ASIC2: variants seen among roughly 807,000 people sequenced by gnomAD.
The protein encoded by ASIC2 is acid-sensing ion channel 2.
In ASIC2, 25 loss-of-function variants were observed where a neutral mutation model predicts 57.3. That is an observed-to-expected ratio of 0.44 (90% confidence interval 0.32 to 0.61). ASIC2 has a LOEUF of 0.61. Ranked by LOEUF, ASIC2 falls within the 20% of genes least tolerant of loss-of-function variation. The pLI is 0.06. For synonymous variants in ASIC2, 319 were observed against 307.5 expected, an observed-to-expected ratio of 1.04 and a Z score of -0.39; for missense variants, 641 against 738.1, an observed-to-expected ratio of 0.87 and a Z score of 1.52.
chr17:34,042,392 A>G (rs921721495), intron 1 of ASIC2, among the ~76,000 whole-genome samples: 3 of 152,204 alleles, frequency 2.0e-5, no homozygotes, highest in Admixed American at 6.5e-5. Flanking sequence ...AAATAATTAC[A>G]TACATAAACA....
chr17:33,217,057 T>C lies in ASIC2; in HGVS notation c.708+74351A>G, dbSNP rs368334415. ...CAGTGACTGTCAGAATATTTGTCATTGCTAATTTATGTGTTTTTGCTGGCT... is the reference window on the plus strand; with the variant it reads ...CAGTGACTGTCAGAATATTTGTCATCGCTAATTTATGTGTTTTTGCTGGCT... On this transcript the variant is annotated intron_variant, in intron 1 of 9. Transcript: ENST00000225823. 1.2e-4 allele frequency among the ~76,000 whole-genome samples: 19 copies of C among 152,302 alleles called. No individual in the cohort carries two copies. The East Asian group carries it at 2.3e-3, about 19-fold the overall frequency.
At chr17:33,655,144 A>C (rs763741901) in intron 1 of ASIC2, among the ~76,000 whole-genome samples, 1 of 152,120 alleles carries the variant, frequency 6.6e-6, no homozygotes, top group Non-Finnish European at 1.5e-5. Context: ...CCTTCATCAC[A>C]GTGTTGTCAA....
At chr17:33,913,044 C>T (rs889845453) in intron 1 of ASIC2, among the ~76,000 whole-genome samples, 4 of 151,970 alleles carry the variant, frequency 2.6e-5, no homozygotes, top group Non-Finnish European at 5.9e-5. Context: ...ATTGCTCTAC[C>T]TTTTTGAGCA....
At chr17:33,597,122 G>A (rs746965119) in intron 1 of ASIC2, among the ~76,000 whole-genome samples, 2 of 152,198 alleles carry the variant, frequency 1.3e-5, no homozygotes, top group African/African-American at 4.8e-5. Flanking sequence ...AGAATCTTCC[G>A]TTGTCTCAGA....
intron 1 of ASIC2, among the ~76,000 whole-genome samples, chr17:33,963,078 G>A (rs1904974098): frequency 6.6e-6 from 1 of 152,170 alleles, no homozygotes; most frequent in Non-Finnish European, 1.5e-5. Context: ...CAGTTTTAAG[G>A]ATAAGAACAT....
chr17:33,786,484 A>G (rs1466644958), intron 1 of ASIC2, among the ~76,000 whole-genome samples: 2 of 152,256 alleles, frequency 1.3e-5, no homozygotes, highest in South Asian at 2.1e-4. Flanking sequence ...ACTATCTGCT[A>G]TCACCATTAT....
chr17:33,431,621 C>T (rs1911423646), intron 1 of ASIC2, among the ~76,000 whole-genome samples: 1 of 152,026 alleles, frequency 6.6e-6, no homozygotes, highest in Non-Finnish European at 1.5e-5. Context: ...GGAAGAGAGT[C>T]AGGAAATCTC....
chr17:33,757,199 A>G (rs1404133970), intron 1 of ASIC2, among the ~76,000 whole-genome samples: 1 of 152,136 alleles, frequency 6.6e-6, no homozygotes, highest in Non-Finnish European at 1.5e-5. Flanking sequence ...ACGAGGAGTG[A>G]GATTCTGGAA....
Position 34,156,272 on chromosome 17 carries a change from T to A in ASIC2, c.261A>T (p.Pro87=). 1 of 1,614,140 alleles carries A rather than the reference T, an allele frequency of 6.2e-7. No homozygotes were observed. The highest frequency in any genetic ancestry group is 1.7e-5 in the Admixed American group (1 of 60,024). Residue 87 remains proline (P), a synonymous_variant, in exon 1 of 10, where the codon CCA becomes CCT. Coordinates refer to the ASIC2 transcript ENST00000359872. The surrounding 1 kb of genome is among the most constrained non-coding windows in gnomAD (Gnocchi z 4.4). ...CATTCAGGTTACAGAGGGTCACAGC[T>A]GGGAAGACCAGGCTTTGAGCCACCA... is the stretch of plus-strand genomic sequence containing the variant.
rs201936906 is a variant in ASIC2, at chr17:33,112,026, G to A, written c.750C>T (p.Gly250=). 344 of 1,613,888 alleles carry A rather than the reference G, an allele frequency of 2.1e-4. No homozygotes were observed. Among genetic ancestry groups the A allele is most frequent in the Non-Finnish European group, 2.6e-4 (301 of 1,179,922 alleles). The change falls in exon 2 of 10, where the codon GGC becomes GGT. Residue 250 remains glycine, a synonymous_variant. Transcript: ENST00000225823. ...TGGTGAGCAGAGGTTTGCCATCCTC[G>A]CCTGAGTTAAACATGTAACACTTCC... ...KYGKCYMFNS[G]EDGKPLLTTV...
intron 1 of ASIC2, among the ~76,000 whole-genome samples, chr17:33,407,457 C>T (rs1910510411): frequency 1.3e-5 from 2 of 152,176 alleles, no homozygotes; most frequent in South Asian, 4.1e-4. Flanking sequence ...TTAAGACTCC[C>T]TTCAAGTGCT....
intron 1 of ASIC2, among the ~76,000 whole-genome samples, chr17:33,741,953 G>A (rs1047159871): frequency 6.6e-6 from 1 of 152,204 alleles, no homozygotes; most frequent in Non-Finnish European, 1.5e-5. Context: ...CATGGAATGA[G>A]TTCTGTTATT....
At chr17:33,142,074 G>T (rs957679259) in intron 1 of ASIC2, among the ~76,000 whole-genome samples, 1 of 152,174 alleles carries the variant, frequency 6.6e-6, no homozygotes, top group African/African-American at 2.4e-5. Flanking sequence ...CCCCTCAAGA[G>T]CAAAGACCAG....
At chr17:33,939,295 G>A (rs189982312) in intron 1 of ASIC2, among the ~76,000 whole-genome samples, 3 of 152,300 alleles carry the variant, frequency 2.0e-5, no homozygotes, top group East Asian at 3.9e-4. Flanking sequence ...TAGAGAAAAC[G>A]AATCAGAGAG....
intron 1 of ASIC2, among the ~76,000 whole-genome samples, chr17:33,150,807 G>C (rs567224111): frequency 3.3e-5 from 2 of 61,072 alleles, no homozygotes; most frequent in Non-Finnish European, 5.7e-5. Flanking sequence ...CCGAGATCCC[G>C]CCACTGCACT....
chr17:33,953,281 T>C (rs1904636004), intron 1 of ASIC2, among the ~76,000 whole-genome samples: 1 of 152,158 alleles, frequency 6.6e-6, no homozygotes, highest in Non-Finnish European at 1.5e-5. Flanking sequence ...CTGAAACAAA[T>C]CCAATTCTTA....
intron 1 of ASIC2, among the ~76,000 whole-genome samples, chr17:33,798,289 G>T (rs999396044): frequency 1.3e-5 from 2 of 152,198 alleles, no homozygotes; most frequent in African/African-American, 2.4e-5. Flanking sequence ...AGGTGTTTAT[G>T]CAGAGATTCT....
chr17:34,039,879 T>TGCC (rs914096641), intron 1 of ASIC2: 52 of 1,595,656 alleles, frequency 3.3e-5, no homozygotes, highest in African/African-American at 6.7e-5. Flanking sequence ...TCATTTCTAC[T>TGCC]GCCGCCGCCG....
At position 33,582,223 on chromosome 17, in the gene ASIC2, T is replaced by G. The variant is rs1459750215; in HGVS notation, c.556-470156A>C. 2.0e-5 allele frequency among the ~76,000 whole-genome samples: 3 copies of G among 152,300 alleles called. No homozygotes were observed. In the East Asian group the frequency reaches 5.8e-4, roughly 29 times the overall value. On this transcript the variant is annotated intron_variant, in intron 1 of 9. Transcript: ENST00000359872. ...CACTTAGGGGAGGGACAGTAATGCG[T>G]TGTGAGCACCTGGAGGGCAGAAACT... is the stretch of plus-strand genomic sequence containing the variant.
Sources: gnomAD v4.1 joint callset for allele counts (sites outside exome capture counted in the v4.1 genomes callset) on GRCh38, gnomAD v4.1.1 for gene constraint, Gnocchi (gnomAD v3.1) non-coding constraint, MANE v1.5 for transcripts, NCBI Gene and HGNC (gene_info 2026-07-23, HGNC 2026-07-21) for gene names.